MYH15: variants seen among roughly 807,000 people sequenced by gnomAD.
The protein encoded by MYH15 is myosin-15.
MYH15 carries 227 observed loss-of-function variants against 240.5 expected under a neutral mutation model. The ratio of observed to expected loss-of-function variants is 0.94; its 90% CI spans 0.85 to 1.05. The LOEUF is 1.05. Among genes scored for constraint, MYH15 ranks in the 50% least tolerant of loss-of-function variants. The probability of loss-of-function intolerance (pLI) is 0.00; values close to 1 mark genes in which losing one functional copy is unlikely to be tolerated. For missense variants in MYH15, 2,217 were observed against 2,247.5 expected, an observed-to-expected ratio of 0.99 and a Z score of 0.27; for synonymous variants, 785 against 796.7, an observed-to-expected ratio of 0.99 and a Z score of 0.25.
intron 22 of MYH15, among the ~76,000 whole-genome samples, chr3:108,443,696 A>G (rs903123729): frequency 6.6e-6 from 1 of 151,928 alleles, no homozygotes; most frequent in Admixed American, 6.6e-5. Context: ...CTAAAAATGT[A>G]TGTATTATAT....
chr3:108,389,366 T>C (rs557060647), intron 37 of MYH15, among the ~76,000 whole-genome samples: 1 of 152,336 alleles, frequency 6.6e-6, no homozygotes, highest in African/African-American at 2.4e-5. Context: ...TGTATGAATG[T>C]ATATGTAAGT....
At chr3:108,421,238 G>C in intron 27 of MYH15, 24 bp from the exon 28 acceptor site, 2 of 1,606,076 alleles carry the variant, frequency 1.2e-6, no homozygotes, top group Non-Finnish European at 1.7e-6. Flanking sequence ...AAGAAGGGCT[G>C]GTCAGGGCTC....
rs1442792908 is a variant in MYH15, at chr3:108,398,810, G to A, written c.4960C>T (p.Gln1654Ter). The A allele has an allele frequency of 1.2e-6, 2 of 1,614,076 alleles. No individual in the cohort carries two copies. Among genetic ancestry groups the A allele is most frequent in the Non-Finnish European group, 1.7e-6 (2 of 1,180,032 alleles). Residue 1654 changes from glutamine (Q) to a stop codon, truncating the protein, a stop_gained, in exon 35 of 41, where the codon CAA becomes TAA. Coordinates refer to ENST00000693548, the MANE Select transcript of MYH15 (RefSeq NM_014981.3). LOFTEE classifies it high-confidence loss of function. ...DLQMQLDDSTQLNSDLKEQVA... is the reference protein window; with the variant it reads ...DLQMQLDDST ...TGCTCCTTCAGATCACTGTTCAGTT[G>A]TGTGCTGTCATCCAGCTGCATTTGA... is the stretch of plus-strand genomic sequence containing the variant.
upstream of MYH15, among the ~76,000 whole-genome samples, chr3:108,531,123 CATGA>C (rs2083707700): frequency 6.6e-6 from 1 of 152,132 alleles, no homozygotes; most frequent in Admixed American, 6.5e-5. Flanking sequence ...GGACAGAACT[CATGA>C]ATGAGGGAGA....
chr3:108,505,137 A>G (rs772665313), intron 2 of MYH15, among the ~76,000 whole-genome samples: 2 of 152,208 alleles, frequency 1.3e-5, no homozygotes, highest in African/African-American at 4.8e-5. Context: ...TTTTAAAAAT[A>G]CTGACTTGAA....
At chr3:108,410,003 A>G (rs1010929750) in intron 31 of MYH15, among the ~76,000 whole-genome samples, 1 of 152,314 alleles carries the variant, frequency 6.6e-6, no homozygotes, top group Admixed American at 6.5e-5. Context: ...ACAGCTCAGT[A>G]GTTAAGTGCG....
chr3:108,520,575 G>T (rs2083610342), intron 1 of MYH15, among the ~76,000 whole-genome samples: 1 of 152,126 alleles, frequency 6.6e-6, no homozygotes. Flanking sequence ...TGAGGCAAGG[G>T]TATGAGATGT....
intron 32 of MYH15, among the ~76,000 whole-genome samples, chr3:108,407,788 T>C (rs1396428606): frequency 6.6e-6 from 1 of 152,234 alleles, no homozygotes; most frequent in Non-Finnish European, 1.5e-5. Flanking sequence ...TTGACAAATA[T>C]TTACTGAGCC....
At chr3:108,536,048 T>A in the MYH15 span, among the ~76,000 whole-genome samples, 1 of 152,154 alleles carries the variant, frequency 6.6e-6, no homozygotes, top group African/African-American at 2.4e-5. Context: ...TGGGCGGATC[T>A]TCTGAGGTCA....
chr3:108,451,862 T>C (rs964320507), intron 21 of MYH15, among the ~76,000 whole-genome samples: 1 of 152,074 alleles, frequency 6.6e-6, no homozygotes, highest in African/African-American at 2.4e-5. Flanking sequence ...CACACATTTA[T>C]AGATTAATTC....
At chr3:108,494,386 T>G (rs924960832) in intron 7 of MYH15, among the ~76,000 whole-genome samples, 4 of 152,104 alleles carry the variant, frequency 2.6e-5, no homozygotes, top group African/African-American at 9.7e-5. Flanking sequence ...AACTCCTTTT[T>G]CTTTCTCTCT....
intron 24 of MYH15, among the ~76,000 whole-genome samples, chr3:108,439,176 C>A (rs1356533152): frequency 1.3e-5 from 2 of 152,096 alleles, no homozygotes; most frequent in African/African-American, 4.8e-5. Flanking sequence ...ATTATGAACC[C>A]ACACATTGAA....
chr3:108,437,679 C>T lies in MYH15; in HGVS notation c.3096G>A (p.Gln1032=), dbSNP rs1265911560. 2.5e-6 allele frequency: 4 copies of T among 1,613,458 alleles called. No homozygotes were observed. The African/African-American group carries it at 4.0e-5, about 16-fold the overall frequency. Residue 1032 remains glutamine, a synonymous_variant, in exon 25 of 41, where the codon CAG becomes CAA. Coordinates refer to ENST00000693548, the MANE Select transcript of MYH15 (RefSeq NM_014981.3). ...QVDELEGALE[Q]ERKARMNCER... ...CACAGTTCATTCTCGCTTTTCTCTC[C>T]TGCTCAAGGGCACCCTCAAGCTGAC...
Position 108,444,753 on chromosome 3 carries a change from A to C in MYH15, c.2542T>G (p.Cys848Gly), listed in dbSNP as rs1244245804. Reference sequence around the variant, plus strand: ...TCCAAGGCTTTCTGTAATTGTGCACACTCTTCCTTCAGTCCAGCTACTTCT... The same window carrying C: ...TCCAAGGCTTTCTGTAATTGTGCACCCTCTTCCTTCAGTCCAGCTACTTCT... Reference protein sequence around the residue: ...GEEVAGLKEECAQLQKALEKS... With the variant: ...GEEVAGLKEEGAQLQKALEKS... The change falls in exon 22 of 41, where the codon TGT becomes GGT. Residue 848 changes from cysteine to glycine, a missense_variant. Transcript: ENST00000693548. The C allele has an allele frequency of 6.2e-7, 1 of 1,613,760 alleles. No individual in the cohort carries two copies.
In MYH15 at chr3:108,398,614, T is replaced by C. The variant is rs761409930; in HGVS notation, c.5133+23A>G. ...GCCTTCAACCAACTGGCCCAGCTAA[T>C]AGGGAGAGTATATGGGCCCCACCTG... is the stretch of plus-strand genomic sequence containing the variant. On this transcript the variant is annotated intron_variant, in intron 35 of 40. Transcript: ENST00000693548. The C allele has an allele frequency of 6.8e-6, 11 of 1,610,668 alleles. No individual in the cohort carries two copies. In the South Asian group the frequency reaches 8.8e-5, roughly 13 times the overall value.
chr3:108,405,950 C>T (rs570531212), intron 32 of MYH15, among the ~76,000 whole-genome samples: 269 of 152,160 alleles, frequency 1.8e-3, no homozygotes, highest in Non-Finnish European at 2.7e-3. Flanking sequence ...ATATGAAGAA[C>T]AAATAAAGGA....
intron 35 of MYH15, 125 bp downstream of exon 35, chr3:108,398,512 C>T (rs71633456): frequency 0.74 from 668,537 of 900,616 alleles, 250,626 homozygotes; most frequent in Middle Eastern, 0.81. Context: ...ATGAACATGC[C>T]TTGCTTCACA....
chr3:108,529,231 C>A (rs778817164), intron 1 of MYH15: 4 of 1,593,240 alleles, frequency 2.5e-6, no homozygotes, highest in Non-Finnish European at 3.4e-6. Context: ...TTCTGTTAGA[C>A]AAATTAAAAC....
At chr3:108,535,853 GTA>G in the MYH15 span, among the ~76,000 whole-genome samples, 1 of 152,198 alleles carries the variant, frequency 6.6e-6, no homozygotes, top group African/African-American at 2.4e-5. Context: ...TCTGGCATGA[GTA>G]TTCGCTAAAC....
Sources: allele counts gnomAD v4.1 joint callset (sites outside exome capture counted in the v4.1 genomes callset), GRCh38; gene constraint gnomAD v4.1.1; transcripts MANE v1.5; gene names NCBI Gene and HGNC (gene_info 2026-07-23, HGNC 2026-07-21).